Variants in TRPC7 observed in about 807,000 individuals in gnomAD.
TRPC7 encodes transient receptor potential cation channel subfamily C member 7.
In TRPC7, 42 loss-of-function variants were observed where a neutral mutation model predicts 90.1. The ratio of observed to expected loss-of-function variants is 0.47; its 90% CI spans 0.36 to 0.60. The LOEUF (loss-of-function observed/expected upper bound fraction) is 0.60, where lower values mean the gene tolerates loss of function less well. Ranked by LOEUF, TRPC7 falls within the 20% of genes least tolerant of loss-of-function variation. TRPC7 has a pLI of 0.00. For missense variants in TRPC7, 955 were observed against 1,112.3 expected, an observed-to-expected ratio of 0.86 and a Z score of 2.01; for synonymous variants, 451 against 436.3, an observed-to-expected ratio of 1.03 and a Z score of -0.42.
chr5:136,305,197 C>A (rs1164915553), intron 3 of TRPC7, among the ~76,000 whole-genome samples: 2 of 152,118 alleles, frequency 1.3e-5, no homozygotes, highest in Non-Finnish European at 2.9e-5. Context: ...CACACCTGAC[C>A]CCCATGACTG....
intron 2 of TRPC7, among the ~76,000 whole-genome samples, chr5:136,321,675 G>A (rs942273704): frequency 6.6e-6 from 1 of 152,156 alleles, no homozygotes; most frequent in Non-Finnish European, 1.5e-5. Flanking sequence ...AATTACCGGA[G>A]TGGGAGTAAG....
chr5:136,308,843 G>A (rs189682926), intron 3 of TRPC7, among the ~76,000 whole-genome samples: 17 of 152,332 alleles, frequency 1.1e-4, no homozygotes, highest in Non-Finnish European at 2.1e-4. Context: ...CATATCAGCA[G>A]GCGGAGGACT....
rs573068468 is a variant in TRPC7, at chr5:136,242,062, T to C, written c.1844+5409A>G. On this transcript the variant is annotated intron_variant, in intron 7 of 11. Transcript: ENST00000513104. ...AACCTCCAAAAGCAAATCCTATTTG[T>C]CTACTGAGTTCTATGATAGGGTTAA... 3.3e-5 allele frequency among the ~76,000 whole-genome samples: 5 copies of C among 152,336 alleles called. No homozygotes were observed. The South Asian group carries it at 8.3e-4, about 25-fold the overall frequency.
chr5:136,239,946 T>C (rs776558055), intron 7 of TRPC7, among the ~76,000 whole-genome samples: 7 of 152,180 alleles, frequency 4.6e-5, no homozygotes, highest in Non-Finnish European at 1.0e-4. Flanking sequence ...AGCTTGGGCC[T>C]CCACTCTCAC....
chr5:136,339,234 T>G (rs983020464), intron 2 of TRPC7, among the ~76,000 whole-genome samples: 2 of 152,194 alleles, frequency 1.3e-5, no homozygotes, highest in African/African-American at 4.8e-5. Flanking sequence ...TGGGAGGAAT[T>G]GGTTTACAGT....
intron 11 of TRPC7, among the ~76,000 whole-genome samples, chr5:136,215,660 A>G (rs1278124935): frequency 6.6e-6 from 1 of 151,902 alleles, no homozygotes; most frequent in African/African-American, 2.4e-5. Context: ...ATCTCTACTA[A>G]AAAAATACAA....
At chr5:136,246,514 T>C (rs1468333747) in intron 7 of TRPC7, among the ~76,000 whole-genome samples, 1 of 152,182 alleles carries the variant, frequency 6.6e-6, no homozygotes, top group African/African-American at 2.4e-5. Context: ...ATAGTCCCCC[T>C]GGAGAGGTCC....
intron 1 of TRPC7, among the ~76,000 whole-genome samples, chr5:136,357,610 C>A (rs1760434492): frequency 6.6e-6 from 1 of 152,084 alleles, no homozygotes; most frequent in Non-Finnish European, 1.5e-5. Flanking sequence ...CCTCTATACT[C>A]CTTGGGTGGA....
rs763591449 is a variant in TRPC7, at chr5:136,356,630, G to C, written c.758C>G (p.Ala253Gly). ...TACCTTAAATTCAGTCTCAATGTTG[G>C]CTAGTCTGGCTAACTCGTTGCTGAG... ...LELSNELARL[A>G]NIETEFKNDY... Residue 253 changes from alanine (A) to glycine (G), a missense_variant, in exon 2 of 12, where the codon GCC becomes GGC. Coordinates refer to ENST00000513104, the MANE Select transcript of TRPC7 (RefSeq NM_020389.3). 2 of 1,542,918 alleles carry C rather than the reference G, an allele frequency of 1.3e-6. No individual in the cohort carries two copies. Among genetic ancestry groups the C allele is most frequent in the Admixed American group, 2.0e-5 (1 of 49,014 alleles).
At chr5:136,222,303 CA>C (rs1755486423) in intron 10 of TRPC7, 1 of 152,164 alleles carries the variant, frequency 6.6e-6, no homozygotes, top group African/African-American at 2.4e-5. Flanking sequence ...GACAAAAAAG[CA>C]GCAAACTTAG....
chr5:136,266,531 A>C, intron 4 of TRPC7, 95 bp from the exon 5 acceptor site: 1 of 1,124,800 alleles, frequency 8.9e-7, no homozygotes, highest in Non-Finnish European at 1.3e-6. Flanking sequence ...TTAACCAGAG[A>C]ATCCTTCATC....
chr5:136,261,439 G>A (rs574705336), intron 5 of TRPC7, among the ~76,000 whole-genome samples: 31 of 152,226 alleles, frequency 2.0e-4, no homozygotes, highest in African/African-American at 6.7e-4. Context: ...CTTTTCTCCC[G>A]TTACAATGAG....
Position 136,213,235 on chromosome 5 carries a change from C to T in TRPC7, c.*200G>A, listed in dbSNP as rs1693338770. 1 of 589,902 alleles carries T rather than the reference C, an allele frequency of 1.7e-6. No homozygotes were observed. The highest frequency in any genetic ancestry group is 2.9e-5 in the East Asian group (1 of 34,532). The allele number at this position is 589,902 out of a possible 1,614,324, so 36.5% of individuals were successfully genotyped here. On this transcript the variant is annotated 3_prime_UTR_variant, in exon 12 of 12. Transcript: ENST00000513104. ...CCCATGGTAGCTTTTCTTACCCAAC[C>T]ACCTAGATTCACAGCAGTTCTGGGT...
Position 136,312,497 on chromosome 5 carries a change from A to C in TRPC7, c.963+3100T>G, listed in dbSNP as rs114003366. ...ATTTGGAAGTTCACACACACACACA[A>C]AAAAAAACCTCTGTGAAGCAAAAGC... On this transcript the variant is annotated intron_variant, in intron 3 of 11. Transcript: ENST00000513104. Among the ~76,000 whole-genome samples the C allele has an allele frequency of 1.0e-3, 154 of 152,144 alleles. No individual in the cohort carries two copies. The Middle Eastern group carries it at 0.014, about 13-fold the overall frequency.
chr5:136,236,850 C>T (rs578137434), intron 7 of TRPC7, among the ~76,000 whole-genome samples: 1 of 152,282 alleles, frequency 6.6e-6, no homozygotes, highest in South Asian at 2.1e-4. Flanking sequence ...CTAGCCCCTA[C>T]CACTGAATAG....
intron 2 of TRPC7, among the ~76,000 whole-genome samples, chr5:136,323,011 C>T (rs548553987): frequency 6.6e-5 from 10 of 152,282 alleles, no homozygotes; most frequent in Admixed American, 2.0e-4. Flanking sequence ...GTGTCCCCAC[C>T]CAAATCTCAT....
At chr5:136,231,630 G>T in intron 7 of TRPC7, 81 bp from the exon 8 acceptor site, 8 of 1,303,740 alleles carry the variant, frequency 6.1e-6, no homozygotes, top group Non-Finnish European at 8.4e-6. Flanking sequence ...CTTGAGACAG[G>T]GTCTCACTCT....
At chr5:136,216,705 G>C (rs181682331) in intron 10 of TRPC7, among the ~76,000 whole-genome samples, 1 of 152,234 alleles carries the variant, frequency 6.6e-6, no homozygotes, top group Non-Finnish European at 1.5e-5. Flanking sequence ...CCTGGGTGGA[G>C]CTGCCTCCCT....
Position 136,274,695 on chromosome 5 carries a change from T to C in TRPC7, c.1106A>G (p.Tyr369Cys), listed in dbSNP as rs1757304856. The C allele has an allele frequency of 1.9e-6, 3 of 1,613,634 alleles. No homozygotes were observed. Among genetic ancestry groups the C allele is most frequent in the Non-Finnish European group, 1.7e-6 (2 of 1,179,766 alleles). The change falls in exon 4 of 12, where the codon TAT becomes TGT. Residue 369 changes from tyrosine (Y) to cysteine (C), a missense_variant. Physicochemically the swap from Tyr to Cys is radical, Grantham distance 194 (BLOSUM62 -2). Around this residue, in one of 4 missense-constraint regions of TRPC7, gnomAD observed 484 missense variants for 509.6 expected, o/e 0.95. Coordinates refer to ENST00000513104, the MANE Select transcript of TRPC7 (RefSeq NM_020389.3). ...TACCTTGCTGCACGGAGCAATCCAA[T>C]AGGCTATGGCGAGAAAAGGGAGGCC... is the stretch of plus-strand genomic sequence containing the variant. ...SIGLPFLAIAYWIAPCSKLGR... is the reference protein window; with the variant it reads ...SIGLPFLAIACWIAPCSKLGR...
Sources: gnomAD v4.1 joint callset for allele counts (sites outside exome capture counted in the v4.1 genomes callset) on GRCh38, gnomAD v4.1.1 for gene constraint, gnomAD v4.1.1 regional missense constraint, MANE v1.5 for transcripts, NCBI Gene and HGNC (gene_info 2026-07-23, HGNC 2026-07-21) for gene names.